Variants in SOBP observed in about 807,000 individuals in gnomAD.
SOBP encodes sine oculis-binding protein homolog.
A neutral mutation model predicts 53.6 loss-of-function variants in SOBP; 4 were observed. The ratio of observed to expected loss-of-function variants is 0.07; its 90% CI spans 0.04 to 0.17. The LOEUF (loss-of-function observed/expected upper bound fraction) is 0.17, where lower values mean the gene tolerates loss of function less well. Among genes scored for constraint, SOBP ranks in the 10% least tolerant of loss-of-function variants. The probability of loss-of-function intolerance (pLI) is 1.00; values close to 1 mark genes in which losing one functional copy is unlikely to be tolerated. For missense variants in SOBP, 1,088 were observed against 1,204.7 expected (o/e 0.90, Z 1.43); for synonymous variants, 584 against 522.6 (o/e 1.12, Z -1.60).
intron 5 of SOBP, among the ~76,000 whole-genome samples, chr6:107,590,694 G>A (rs1165253588): frequency 6.6e-6 from 1 of 152,208 alleles, no homozygotes; most frequent in Non-Finnish European, 1.5e-5. Context: ...CAATGCCTGT[G>A]TAGGGAGTAT....
intron 6 of SOBP, among the ~76,000 whole-genome samples, chr6:107,638,296 G>A (rs761848013): frequency 1.5e-4 from 23 of 152,032 alleles, no homozygotes; most frequent in Non-Finnish European, 3.2e-4. Flanking sequence ...CTGCAACCTC[G>A]GCTGCCTGGG....
At chr6:107,578,350 C>T (rs1212490540) in intron 4 of SOBP, among the ~76,000 whole-genome samples, 4 of 151,964 alleles carry the variant, frequency 2.6e-5, no homozygotes. Context: ...TGAAAATTTC[C>T]CTTAATAACA....
rs1410285591 is a variant in SOBP, at chr6:107,634,200, C to T, written c.1356C>T (p.His452=). The change falls in exon 6 of 7, where the codon CAC becomes CAT. Residue 452 remains histidine (H), a synonymous_variant. Transcript: ENST00000317357. The surrounding 1 kb of genome is among the most constrained non-coding windows in gnomAD (Gnocchi z 4.5). ...TGGGCCCCACTTCCAGCCCCATGCA[C>T]CGGCCCATGCTATCGCCCCACATCC... ...RNLGPTSSPM[H]RPMLSPHIHP... The T allele has an allele frequency of 1.2e-6, 2 of 1,603,744 alleles. No homozygotes were observed. Among genetic ancestry groups the T allele is most frequent in the Non-Finnish European group, 1.7e-6 (2 of 1,177,506 alleles).
At chr6:107,544,308 C>T (rs567304877) in intron 4 of SOBP, among the ~76,000 whole-genome samples, 14 of 152,284 alleles carry the variant, frequency 9.2e-5, no homozygotes, top group African/African-American at 3.1e-4. Flanking sequence ...GCAGCTTTCA[C>T]CATTATTAAT....
At chr6:107,657,093 G>C (rs928378875) in intron 6 of SOBP, among the ~76,000 whole-genome samples, 16 of 152,258 alleles carry the variant, frequency 1.1e-4, no homozygotes, top group African/African-American at 3.9e-4. Flanking sequence ...TACGAGTTGG[G>C]TGTAGAGACA....
rs537698204 is a variant in SOBP, at chr6:107,542,964, TCTCAAG to T, written c.573+9358_573+9363del. 1.1e-3 allele frequency among the ~76,000 whole-genome samples: 166 copies of T among 152,246 alleles called. 1 individual carries two copies. The highest frequency in any genetic ancestry group is 3.8e-3 in the African/African-American group (159 of 41,552). Reference sequence around the variant, plus strand: ...AGAGACCTACAGCATCCACGGGCCTTCTCAAGCTCTAGCCTTAGAGGTAGCATTATG... The same window carrying T: ...AGAGACCTACAGCATCCACGGGCCTTCTCTAGCCTTAGAGGTAGCATTATG... On this transcript the variant is annotated intron_variant, in intron 4 of 6. Transcript: ENST00000317357.
At chr6:107,610,598 G>A (rs9486658) in intron 5 of SOBP, among the ~76,000 whole-genome samples, 5,445 of 152,286 alleles carry the variant, frequency 0.036, 266 homozygotes, top group East Asian at 0.15. Context: ...AGCCTGAGGA[G>A]AAGCTCTTCA....
In SOBP at chr6:107,635,121, G is replaced by A. The variant is rs1330847266; in HGVS notation, c.2277G>A (p.Ser759=). Residue 759 remains serine (S), a synonymous_variant, in exon 6 of 7, where the codon TCG becomes TCA. Transcript: ENST00000317357. This position sits in a 1 kb window ranked among gnomAD's most constrained non-coding sequence, Gnocchi z 4.5. ...PPPAPPKKLL[S]PEEPAVSELE... ...CCGCGCCCCCCAAGAAGCTGCTGTCGCCTGAGGAACCGGCGGTGAGCGAGC... is the reference window on the plus strand; with the variant it reads ...CCGCGCCCCCCAAGAAGCTGCTGTCACCTGAGGAACCGGCGGTGAGCGAGC... The A allele has an allele frequency of 1.2e-6, 2 of 1,612,252 alleles. No individual in the cohort carries two copies. Among genetic ancestry groups the A allele is most frequent in the Non-Finnish European group, 1.7e-6 (2 of 1,179,454 alleles).
At chr6:107,510,291 G>A (rs2114955940) in intron 3 of SOBP, among the ~76,000 whole-genome samples, 1 of 152,308 alleles carries the variant, frequency 6.6e-6, no homozygotes, top group South Asian at 2.1e-4. Context: ...GCTAAGGTAA[G>A]ATTAGCCACA....
At chr6:107,508,180 A>G (rs1212630787) in intron 3 of SOBP, among the ~76,000 whole-genome samples, 2 of 152,212 alleles carry the variant, frequency 1.3e-5, no homozygotes, top group Non-Finnish European at 2.9e-5. Context: ...TTGTAGATAC[A>G]AGTTCCTGGG....
At chr6:107,623,287 G>A (rs754695022) in intron 5 of SOBP, among the ~76,000 whole-genome samples, 20 of 152,142 alleles carry the variant, frequency 1.3e-4, no homozygotes, top group Non-Finnish European at 1.9e-4. Flanking sequence ...GAACCCTTAG[G>A]GGAATGCCCA....
intron 6 of SOBP, among the ~76,000 whole-genome samples, chr6:107,643,274 A>G (rs1389199249): frequency 2.0e-5 from 3 of 152,212 alleles, no homozygotes; most frequent in African/African-American, 4.8e-5. Flanking sequence ...TCTGCATCCC[A>G]TCAACAAGCT....
chr6:107,631,267 A>C (rs1483705205), intron 5 of SOBP, among the ~76,000 whole-genome samples: 1 of 152,204 alleles, frequency 6.6e-6, no homozygotes, highest in Non-Finnish European at 1.5e-5. Context: ...TAATTAGCTT[A>C]ATTCATTGAT....
chr6:107,533,267 G>T, intron 3 of SOBP, among the ~76,000 whole-genome samples, 192 bp from the exon 4 acceptor site: 1 of 92,102 alleles, frequency 1.1e-5, no homozygotes. Context: ...GGAAACTTAG[G>T]AGCCAAAAAA....
chr6:107,568,474 AG>A (rs1384962076), intron 4 of SOBP, among the ~76,000 whole-genome samples: 11 of 152,210 alleles, frequency 7.2e-5, no homozygotes, highest in Non-Finnish European at 1.6e-4. Context: ...AACTTTTGTG[AG>A]AGTATATGAT....
At chr6:107,591,292 G>C (rs969035559) in intron 5 of SOBP, among the ~76,000 whole-genome samples, 7 of 152,146 alleles carry the variant, frequency 4.6e-5, no homozygotes, top group African/African-American at 1.7e-4. Context: ...AAAGAGCCAG[G>C]CACATAGTAA....
At chr6:107,647,444 T>C (rs571125831) in intron 6 of SOBP, among the ~76,000 whole-genome samples, 1 of 152,330 alleles carries the variant, frequency 6.6e-6, no homozygotes, top group Admixed American at 6.5e-5. Context: ...TCAGCTCCAA[T>C]GTAAATAACA....
At chr6:107,538,386 G>A (rs778802386) in intron 4 of SOBP, among the ~76,000 whole-genome samples, 1 of 152,168 alleles carries the variant, frequency 6.6e-6, no homozygotes, top group African/African-American at 2.4e-5. Context: ...AAGGCTTGGA[G>A]AAGGACATTA....
intron 1 of SOBP, among the ~76,000 whole-genome samples, chr6:107,497,084 C>T (rs944949784): frequency 3.9e-5 from 6 of 152,172 alleles, no homozygotes; most frequent in African/African-American, 1.4e-4. Flanking sequence ...TTCTTTATCT[C>T]TATTAATGAG....
Sources: gnomAD v4.1 joint callset for allele counts (sites outside exome capture counted in the v4.1 genomes callset) on GRCh38, gnomAD v4.1.1 for gene constraint, Gnocchi (gnomAD v3.1) non-coding constraint, MANE v1.5 for transcripts, NCBI Gene and HGNC (gene_info 2026-07-23, HGNC 2026-07-21) for gene names.